Variants in ST6GALNAC3 observed in about 807,000 individuals in gnomAD.
The protein encoded by ST6GALNAC3 is alpha-N-acetylgalactosaminide alpha-2,6-sialyltransferase 3.
ST6GALNAC3 carries 25 observed loss-of-function variants against 32.7 expected under a neutral mutation model. That is an observed-to-expected ratio of 0.76 (90% CI 0.56 to 1.07). The LOEUF is 1.07. Among genes scored for constraint, ST6GALNAC3 ranks in the 50% least tolerant of loss-of-function variants. The probability of loss-of-function intolerance (pLI) is 0.00; values close to 1 mark genes in which losing one functional copy is unlikely to be tolerated. For missense variants in ST6GALNAC3, 355 were observed against 382.4 expected, an observed-to-expected ratio of 0.93 and a Z score of 0.60; for synonymous variants, 129 against 133.1, an observed-to-expected ratio of 0.97 and a Z score of 0.21.
chr1:76,609,108 A>T (rs933276641), intron 3 of ST6GALNAC3, among the ~76,000 whole-genome samples: 11 of 152,184 alleles, frequency 7.2e-5, no homozygotes, highest in Non-Finnish European at 1.6e-4. Flanking sequence ...ATTTGTTTTT[A>T]AATGTGTATG....
chr1:76,505,212 C>T (rs1661404709), intron 3 of ST6GALNAC3, among the ~76,000 whole-genome samples: 1 of 151,864 alleles, frequency 6.6e-6, no homozygotes, highest in Non-Finnish European at 1.5e-5. Context: ...CAACCTCTGC[C>T]TCCCGGGTTC....
chr1:76,230,127 A>G (rs1340780467), intron 1 of ST6GALNAC3, among the ~76,000 whole-genome samples: 1 of 152,222 alleles, frequency 6.6e-6, no homozygotes, highest in African/African-American at 2.4e-5. Context: ...ACAGGAGTGA[A>G]AAACAAAGCC....
intron 1 of ST6GALNAC3, among the ~76,000 whole-genome samples, chr1:76,082,169 C>G (rs1646905345): frequency 1.3e-5 from 2 of 152,186 alleles, no homozygotes; most frequent in African/African-American, 4.8e-5. Flanking sequence ...ACACTTATGC[C>G]TGAGGGCTGG....
intron 1 of ST6GALNAC3, among the ~76,000 whole-genome samples, chr1:76,233,873 A>G (rs1656503530): frequency 6.6e-6 from 1 of 152,210 alleles, no homozygotes; most frequent in East Asian, 1.9e-4. Flanking sequence ...GCACAGATAC[A>G]TGTGCAGTAT....
Position 76,329,198 on chromosome 1 carries a change from C to A in ST6GALNAC3, c.213+15199C>A, listed in dbSNP as rs143768670. Among the ~76,000 whole-genome samples, 505 of 152,254 alleles carry A rather than the reference C, an allele frequency of 3.3e-3. 3 individuals are homozygous for A. The highest frequency in any genetic ancestry group is 0.012 in the African/African-American group (490 of 41,542). Reference sequence around the variant, plus strand: ...AGAATAATATTCACCACCTGAGCCACCTTGACATTTCTCAGCTAGTAGGAA... The same window carrying A: ...AGAATAATATTCACCACCTGAGCCAACTTGACATTTCTCAGCTAGTAGGAA... On this transcript the variant is annotated intron_variant, in intron 2 of 4. Coordinates refer to ENST00000328299, the MANE Select transcript of ST6GALNAC3 (RefSeq NM_152996.4).
At chr1:76,532,782 T>C (rs1297036775) in intron 3 of ST6GALNAC3, among the ~76,000 whole-genome samples, 1 of 152,176 alleles carries the variant, frequency 6.6e-6, no homozygotes, top group Non-Finnish European at 1.5e-5. Flanking sequence ...GTATTGGGTA[T>C]ATTTACTGTT....
At chr1:76,320,988 T>C (rs932030319) in intron 2 of ST6GALNAC3, among the ~76,000 whole-genome samples, 7 of 149,698 alleles carry the variant, frequency 4.7e-5, no homozygotes, top group African/African-American at 1.7e-4. Flanking sequence ...ACACACATTA[T>C]ATATATATAT....
intron 1 of ST6GALNAC3, among the ~76,000 whole-genome samples, chr1:76,192,095 G>T (rs565343973): frequency 1.3e-5 from 2 of 152,258 alleles, no homozygotes; most frequent in South Asian, 2.1e-4. Flanking sequence ...TAGAATGGAA[G>T]AAGTACCCAA....
chr1:76,627,396 G>A lies in ST6GALNAC3; in HGVS notation c.624-56G>A, dbSNP rs963978088. On this transcript the variant is annotated intron_variant, in intron 3 of 4. Coordinates refer to ENST00000328299, the MANE Select transcript of ST6GALNAC3 (RefSeq NM_152996.4). ...CGTTTCTCACACACCTTATTGTTCT[G>A]TGTGTGTGTTCTGTGTTTTGTTCTG... 4 of 1,100,586 alleles carry A rather than the reference G, an allele frequency of 3.6e-6. No individual in the cohort carries two copies. The African/African-American group carries it at 6.3e-5, about 17-fold the overall frequency. 68.2% of individuals were successfully genotyped at this position (1,100,586 alleles called of 1,614,324 possible). A position where few individuals can be genotyped will look rare whatever the true frequency, so the allele number is the denominator to read the frequency against.
chr1:76,453,284 GT>G (rs1657538593), intron 3 of ST6GALNAC3, among the ~76,000 whole-genome samples: 1 of 151,784 alleles, frequency 6.6e-6, no homozygotes, highest in Admixed American at 6.6e-5. Flanking sequence ...ATTTAGTTCT[GT>G]TTGGATCTTG....
intron 3 of ST6GALNAC3, among the ~76,000 whole-genome samples, chr1:76,515,378 CT>C (rs904842824): frequency 1.3e-5 from 2 of 151,792 alleles, no homozygotes; most frequent in South Asian, 4.2e-4. Flanking sequence ...AAAACCAACT[CT>C]TTTGTTGTTT....
chr1:76,347,861 C>A (rs1044716705), intron 2 of ST6GALNAC3, among the ~76,000 whole-genome samples: 1 of 152,012 alleles, frequency 6.6e-6, no homozygotes, highest in African/African-American at 2.4e-5. Context: ...GGAGTAAATG[C>A]AATAATGTAT....
intron 3 of ST6GALNAC3, among the ~76,000 whole-genome samples, chr1:76,608,449 G>A (rs1169306282): frequency 6.6e-6 from 1 of 152,150 alleles, no homozygotes; most frequent in Non-Finnish European, 1.5e-5. Flanking sequence ...GGTGATAAAT[G>A]TTGTGGATAA....
At chr1:76,268,735 G>T (rs928077647) in intron 1 of ST6GALNAC3, among the ~76,000 whole-genome samples, 1 of 152,204 alleles carries the variant, frequency 6.6e-6, no homozygotes, top group African/African-American at 2.4e-5. Context: ...ATGGCTGAAT[G>T]AATTTGACAG....
chr1:76,416,618 G>T (rs1654643049), intron 3 of ST6GALNAC3, among the ~76,000 whole-genome samples: 2 of 140,730 alleles, frequency 1.4e-5, no homozygotes, highest in Non-Finnish European at 1.5e-5. Flanking sequence ...TCCAAGTATT[G>T]TGGGTTTTGT....
At chr1:76,443,837 G>C (rs182524059) in intron 3 of ST6GALNAC3, among the ~76,000 whole-genome samples, 112 of 152,310 alleles carry the variant, frequency 7.4e-4, no homozygotes, top group Non-Finnish European at 1.3e-3. Context: ...TCCCACCTGA[G>C]AGAGATGGTG....
intron 1 of ST6GALNAC3, among the ~76,000 whole-genome samples, chr1:76,248,744 C>T (rs1231457302): frequency 1.3e-5 from 2 of 151,926 alleles, no homozygotes; most frequent in Non-Finnish European, 2.9e-5. Flanking sequence ...CTCTTCTACC[C>T]TTTTCCTTCT....
At chr1:76,512,462 A>G (rs982468940) in intron 3 of ST6GALNAC3, among the ~76,000 whole-genome samples, 1 of 152,132 alleles carries the variant, frequency 6.6e-6, no homozygotes, top group South Asian at 2.1e-4. Flanking sequence ...TTATTGACAC[A>G]TTTTATAATT....
rs1421303857 is a variant in ST6GALNAC3, at chr1:76,341,678, T to TTTCTTTCTTTCTTTCTTTCTTTCC, written c.213+27682_213+27683insTTTCTTTCTTTCTTTCTTTCCTTC. 2.9e-4 allele frequency among the ~76,000 whole-genome samples: 35 copies of TTTCTTTCTTTCTTTCTTTCTTTCC among 121,192 alleles called. 5 individuals are homozygous for TTTCTTTCTTTCTTTCTTTCTTTCC. The highest frequency in any genetic ancestry group is 8.0e-4 in the Admixed American group (10 of 12,528). 79.5% of individuals were successfully genotyped at this position (121,192 alleles called of 152,430 possible). On this transcript the variant is annotated intron_variant, in intron 2 of 4. Coordinates refer to ENST00000328299, the MANE Select transcript of ST6GALNAC3 (RefSeq NM_152996.4). Reference sequence around the variant, plus strand: ...CTTTCTTTCTTTCTTTCTTTCTTTCTTTCCTTCTTTCTTTCTTTCTTTCTT... The same window carrying TTTCTTTCTTTCTTTCTTTCTTTCC: ...CTTTCTTTCTTTCTTTCTTTCTTTCTTTCTTTCTTTCTTTCTTTCTTTCCTTCCTTCTTTCTTTCTTTCTTTCTT...
Sources: gnomAD v4.1 joint callset for allele counts (sites outside exome capture counted in the v4.1 genomes callset) on GRCh38, gnomAD v4.1.1 for gene constraint, MANE v1.5 for transcripts, NCBI Gene and HGNC (gene_info 2026-07-23, HGNC 2026-07-21) for gene names.